The following SVOP variants were observed in gnomAD, a reference collection of about 807,000 sequenced individuals.
SVOP encodes synaptic vesicle 2-related protein.
Under a neutral mutation model 69.1 loss-of-function variants are expected in SVOP, and 17 were observed. The ratio of observed to expected loss-of-function variants is 0.25; its 90% CI spans 0.17 to 0.37. The LOEUF (loss-of-function observed/expected upper bound fraction) is 0.37, where lower values mean the gene tolerates loss of function less well. Ranked by LOEUF, SVOP falls within the 10% of genes least tolerant of loss-of-function variation. The pLI is 1.00. For synonymous variants in SVOP, 238 were observed against 238.6 expected, an observed-to-expected ratio of 1.00 and a Z score of 0.02; for missense variants, 435 against 597.5, an observed-to-expected ratio of 0.73 and a Z score of 2.84.
chr12:108,998,518 C>T (rs1282504097), intron 1 of SVOP, among the ~76,000 whole-genome samples: 1 of 151,698 alleles, frequency 6.6e-6, no homozygotes, highest in African/African-American at 2.4e-5. Context: ...GTCAGATTCA[C>T]CAAAGTTGAA....
At chr12:108,939,138 G>GACT (rs1431208270) in intron 8 of SVOP, among the ~76,000 whole-genome samples, 183 bp from the exon 9 acceptor site, 20 of 152,288 alleles carry the variant, frequency 1.3e-4, no homozygotes, top group Admixed American at 1.2e-3. Context: ...ACAATTACTT[G>GACT]ACTTCTCTGT....
At chr12:108,999,779 A>C (rs1405284064) in intron 1 of SVOP, among the ~76,000 whole-genome samples, 5 of 150,284 alleles carry the variant, frequency 3.3e-5, no homozygotes, top group Non-Finnish European at 7.5e-5. Context: ...ACAAAGACAC[A>C]ACATACCAGA....
intron 15 of SVOP, among the ~76,000 whole-genome samples, chr12:108,914,897 C>T (rs1313282624): frequency 2.6e-5 from 4 of 151,252 alleles, no homozygotes; most frequent in African/African-American, 9.7e-5. Flanking sequence ...TTTTTTTGGC[C>T]AGGCACAGTG....
intron 5 of SVOP, among the ~76,000 whole-genome samples, chr12:108,961,492 G>A (rs1203203326): frequency 1.3e-5 from 2 of 149,446 alleles, no homozygotes; most frequent in African/African-American, 4.9e-5. Context: ...GCAACTTTCA[G>A]GTAAGTCAAA....
intron 14 of SVOP, among the ~76,000 whole-genome samples, chr12:108,916,389 G>A (rs2039713950): frequency 6.6e-6 from 1 of 152,198 alleles, no homozygotes; most frequent in African/African-American, 2.4e-5. Flanking sequence ...TCCCATGTCT[G>A]CTGGCTGCGA....
chr12:108,985,585 T>C (rs2040162031), intron 1 of SVOP, among the ~76,000 whole-genome samples: 1 of 152,040 alleles, frequency 6.6e-6, no homozygotes, highest in Non-Finnish European at 1.5e-5. Context: ...GGTGGGAGGA[T>C]TGCTTGAGCC....
At chr12:109,017,391 C>T (rs1417164899) in intron 1 of SVOP, among the ~76,000 whole-genome samples, 1 of 151,772 alleles carries the variant, frequency 6.6e-6, no homozygotes, top group Non-Finnish European at 1.5e-5. Context: ...AAATTGTCTT[C>T]CAAGAAACCA....
intron 15 of SVOP, among the ~76,000 whole-genome samples, chr12:108,913,216 C>T (rs780791994): frequency 2.6e-5 from 4 of 152,096 alleles, no homozygotes; most frequent in Admixed American, 2.0e-4. Flanking sequence ...CTTCTGCCAC[C>T]ACGCCCGGCT....
intron 6 of SVOP, among the ~76,000 whole-genome samples, chr12:108,956,566 A>G (rs2039987023): frequency 6.6e-6 from 1 of 152,146 alleles, no homozygotes; most frequent in South Asian, 2.1e-4. Context: ...CAACTTAGGT[A>G]CATACATTGG....
chr12:108,952,230 C>CTTCTT (rs2039959505), intron 6 of SVOP, among the ~76,000 whole-genome samples: 1 of 98,360 alleles, frequency 1.0e-5, no homozygotes, highest in African/African-American at 3.4e-5. Context: ...TTTCTTTTCT[C>CTTCTT]TTTTTTTTTT....
intron 11 of SVOP, among the ~76,000 whole-genome samples, chr12:108,924,819 C>T (rs1001452455): frequency 6.6e-5 from 10 of 152,180 alleles, no homozygotes; most frequent in African/African-American, 2.4e-4. Context: ...GAGTTGGTTT[C>T]AGAAACCCAG....
intron 2 of SVOP, among the ~76,000 whole-genome samples, chr12:108,982,641 T>A (rs1028055058): frequency 6.6e-6 from 1 of 151,316 alleles, no homozygotes; most frequent in African/African-American, 2.4e-5. Context: ...ATCATCATCA[T>A]CACCATCACC....
At chr12:108,995,463 T>C (rs1049645867) in intron 1 of SVOP, among the ~76,000 whole-genome samples, 1 of 152,028 alleles carries the variant, frequency 6.6e-6, no homozygotes, top group African/African-American at 2.4e-5. Flanking sequence ...CATTCACAGA[T>C]GTAGAAAGCA....
chr12:108,969,283 C>T (rs2040064560), intron 5 of SVOP, among the ~76,000 whole-genome samples: 1 of 149,436 alleles, frequency 6.7e-6, no homozygotes, highest in East Asian at 2.0e-4. Context: ...TCCTTCTCCC[C>T]CTTCCTCACT....
intron 8 of SVOP, among the ~76,000 whole-genome samples, chr12:108,939,378 A>C (rs2039876322): frequency 6.6e-6 from 1 of 152,290 alleles, no homozygotes; most frequent in South Asian, 2.1e-4. Flanking sequence ...TCTCACCCCC[A>C]TTGTTCAAGG....
chr12:109,020,642 C>A (rs764360315), intron 1 of SVOP, among the ~76,000 whole-genome samples, 192 bp downstream of exon 1: 3 of 151,910 alleles, frequency 2.0e-5, no homozygotes, highest in Non-Finnish European at 4.4e-5. Flanking sequence ...GGAACTGAGT[C>A]AGAGATACAG....
rs1363736181 is a variant in SVOP, at chr12:109,020,817, G to A, written c.35+17C>T. On this transcript the variant is annotated intron_variant, in intron 1 of 15. Transcript: ENST00000610966. ...AAGAAAGCCTGTCTGCCTCTTGCTC[G>A]CCCCCATGATACTCACGGCAGCTGC... 2.9e-6 allele frequency: 2 copies of A among 693,434 alleles called. No individual in the cohort carries two copies. Among genetic ancestry groups the A allele is most frequent in the East Asian group, 2.8e-5 (1 of 36,268 alleles). 43.0% of individuals were successfully genotyped at this position (693,434 alleles called of 1,614,324 possible).
rs998318819 is a variant in SVOP at position 108,916,119 on chromosome 12, G to T, written c.1351-247C>A. 3.9e-5 allele frequency among the ~76,000 whole-genome samples: 6 copies of T among 152,156 alleles called. 1 individual carries two copies. The highest frequency in any genetic ancestry group is 4.1e-4 in the South Asian group (2 of 4,830). Reference sequence around the variant, plus strand: ...AAGGGGTCCACTCTGTCCTGGGGGGGGCTCCCCAAAGACTCCTCCACCAGG... The same window carrying T: ...AAGGGGTCCACTCTGTCCTGGGGGGTGCTCCCCAAAGACTCCTCCACCAGG... On this transcript the variant is annotated intron_variant, in intron 14 of 15. Coordinates refer to ENST00000610966, the MANE Select transcript of SVOP (RefSeq NM_018711.5).
At chr12:108,921,586 T>C (rs1481893766) in intron 12 of SVOP, among the ~76,000 whole-genome samples, 1 of 152,192 alleles carries the variant, frequency 6.6e-6, no homozygotes, top group African/African-American at 2.4e-5. Flanking sequence ...GGAGTTTTCC[T>C]GCTGATGGGC....
Sources: allele counts gnomAD v4.1 joint callset (sites outside exome capture counted in the v4.1 genomes callset), GRCh38; gene constraint gnomAD v4.1.1; transcripts MANE v1.5; gene names NCBI Gene and HGNC (gene_info 2026-07-23, HGNC 2026-07-21).